The following CUX1 variants were observed in gnomAD, a reference collection of about 807,000 sequenced individuals.
CUX1 encodes cut like homeobox 1.
Under a neutral mutation model 158.8 loss-of-function variants are expected in CUX1, and 31 were observed. That is an observed-to-expected ratio of 0.20 (90% CI 0.15 to 0.26). CUX1 has a LOEUF of 0.26. CUX1 is among the 10% of genes least tolerant of loss of function. CUX1 has a pLI of 1.00. For synonymous variants in CUX1, 879 were observed against 862.1 expected (o/e 1.02, Z -0.34); for missense variants, 1,589 against 2,014.6 (o/e 0.79, Z 4.04).
At chr7:102,029,035 C>T (rs1178223449) in intron 3 of CUX1, among the ~76,000 whole-genome samples, 2 of 143,056 alleles carry the variant, frequency 1.4e-5, no homozygotes, top group Non-Finnish European at 3.0e-5. Context: ...CCCTGTCACT[C>T]AGGCTACAGT....
At chr7:102,033,188 C>T (rs1460737053) in intron 3 of CUX1, among the ~76,000 whole-genome samples, 1 of 152,140 alleles carries the variant, frequency 6.6e-6, no homozygotes, top group Non-Finnish European at 1.5e-5. Flanking sequence ...ATGGCTCACG[C>T]CTGTAGTCCC....
intron 2 of CUX1, among the ~76,000 whole-genome samples, chr7:102,003,006 A>G (rs965907548): frequency 2.0e-5 from 3 of 151,898 alleles, no homozygotes; most frequent in East Asian, 1.9e-4. Context: ...GGTTCAAGCA[A>G]TTCTCCTGCC....
chr7:101,971,841 C>T (rs1811996341), intron 2 of CUX1, among the ~76,000 whole-genome samples: 1 of 152,230 alleles, frequency 6.6e-6, no homozygotes, highest in South Asian at 2.1e-4. Context: ...AGCAGCATTA[C>T]ATTGGTCTAA....
chr7:101,919,018 A>C (rs1284518952), intron 2 of CUX1, among the ~76,000 whole-genome samples: 2 of 152,180 alleles, frequency 1.3e-5, no homozygotes, highest in African/African-American at 2.4e-5. Flanking sequence ...ACCTCAGGTG[A>C]TCCGCCCACC....
intron 2 of CUX1, among the ~76,000 whole-genome samples, chr7:101,950,607 ATTTG>A (rs1808950302): frequency 6.6e-6 from 1 of 152,164 alleles, no homozygotes; most frequent in Non-Finnish European, 1.5e-5. Context: ...AGCCATACTC[ATTTG>A]TTTATCTATT....
At chr7:102,089,445 C>A (rs528474150) in intron 4 of CUX1, among the ~76,000 whole-genome samples, 1 of 152,192 alleles carries the variant, frequency 6.6e-6, no homozygotes, top group Non-Finnish European at 1.5e-5. Flanking sequence ...ACTTGCAGGT[C>A]AGTTTGATCA....
intron 1 of CUX1, among the ~76,000 whole-genome samples, chr7:101,821,797 C>T (rs1273632595): frequency 2.1e-5 from 3 of 143,870 alleles, no homozygotes; most frequent in Non-Finnish European, 4.5e-5. Context: ...TCCTTAGTCT[C>T]CCGAGTAGCT....
At chr7:101,858,928 G>A (rs1007387834) in intron 1 of CUX1, among the ~76,000 whole-genome samples, 7 of 152,008 alleles carry the variant, frequency 4.6e-5, no homozygotes, top group Non-Finnish European at 1.0e-4. Flanking sequence ...GGTCTCCCAG[G>A]GAATGGCTGT....
At chr7:101,930,961 G>C (rs1177842374) in intron 2 of CUX1, among the ~76,000 whole-genome samples, 1 of 152,168 alleles carries the variant, frequency 6.6e-6, no homozygotes, top group Non-Finnish European at 1.5e-5. Flanking sequence ...GCCGGGTGTG[G>C]TGGAGTGCAC....
In CUX1 at chr7:102,250,440, C is replaced by T; in HGVS notation, c.*1398C>T. On this transcript the variant is annotated 3_prime_UTR_variant, in exon 24 of 24. Coordinates refer to ENST00000292535, the MANE Select transcript of CUX1 (RefSeq NM_181552.4). ...GGGGAAGACACTCCCCAGGCCTGGGCAGGGCTTACACGCGCACTCTCTCTC... is the reference window on the plus strand; with the variant it reads ...GGGGAAGACACTCCCCAGGCCTGGGTAGGGCTTACACGCGCACTCTCTCTC... 1.0e-6 allele frequency: 1 copy of T among 985,484 alleles called. No homozygotes were observed. The highest frequency in any genetic ancestry group is 1.2e-6 in the Non-Finnish European group (1 of 829,984). The allele number at this position is 985,484 out of a possible 1,614,324, so 61.0% of individuals were successfully genotyped here.
intron 22 of CUX1, among the ~76,000 whole-genome samples, chr7:102,237,755 G>C (rs578086364): frequency 3.3e-5 from 5 of 152,282 alleles, no homozygotes; most frequent in African/African-American, 1.2e-4. Flanking sequence ...TGGGCCCGGG[G>C]AACCACTACC....
Position 102,256,111 on chromosome 7 carries a change from GC to G in CUX1, c.*7070del. ...TCTTGGTGACCACTGTGCTGGGCGT[GC>G]AGGGCCCGCGGGCTCTGGCCGGAGC... On this transcript the variant is annotated 3_prime_UTR_variant, in exon 24 of 24. Transcript: ENST00000292535. The G allele has an allele frequency of 3.0e-6, 3 of 985,440 alleles. No homozygotes were observed. The highest frequency in any genetic ancestry group is 3.6e-6 in the Non-Finnish European group (3 of 829,944). 61.0% of individuals were successfully genotyped at this position (985,440 alleles called of 1,614,324 possible). A position where few individuals can be genotyped will look rare whatever the true frequency, so the allele number is the denominator to read the frequency against.
At position 102,201,024 on chromosome 7, in the gene CUX1, C is replaced by CT. The variant is rs1795370717; in HGVS notation, c.2063-335dup. Among the ~76,000 whole-genome samples the CT allele has an allele frequency of 2.3e-5, 1 of 42,814 alleles. No individual in the cohort carries two copies. The highest frequency in any genetic ancestry group is 9.4e-5 in the African/African-American group (1 of 10,654). The allele number at this position is 42,814 out of a possible 152,430, so 28.1% of individuals were successfully genotyped here. A position where few individuals can be genotyped will look rare whatever the true frequency, so the allele number is the denominator to read the frequency against. The stretch of plus-strand genomic sequence containing the variant: ...CCTGGACAACAGCGAGATCCTGTCG[C>CT]TAAAAAAAAAAAAAAAAAAAAAAAA... On this transcript the variant is annotated intron_variant, in intron 17 of 23. Transcript: ENST00000292535. This position sits in a 1 kb window ranked among gnomAD's most constrained non-coding sequence, Gnocchi z 5.0.
intron 1 of CUX1, among the ~76,000 whole-genome samples, chr7:101,831,329 C>T (rs1016613318): frequency 6.6e-6 from 1 of 151,380 alleles, no homozygotes; most frequent in South Asian, 2.1e-4. Context: ...CTTGCTTTGT[C>T]GTCCAGGCTA....
Position 102,255,978 on chromosome 7 carries a change from G to C in CUX1, c.*6936G>C. 3 of 985,384 alleles carry C rather than the reference G, an allele frequency of 3.0e-6. No individual in the cohort carries two copies. Among genetic ancestry groups the C allele is most frequent in the Non-Finnish European group, 3.6e-6 (3 of 829,924 alleles). The allele number at this position is 985,384 out of a possible 1,614,324, so 61.0% of individuals were successfully genotyped here. A position where few individuals can be genotyped will look rare whatever the true frequency, so the allele number is the denominator to read the frequency against. On this transcript the variant is annotated 3_prime_UTR_variant, in exon 24 of 24. Coordinates refer to ENST00000292535, the MANE Select transcript of CUX1 (RefSeq NM_181552.4). ...CCAAATGAACTCAAAGTAAGCTTTA[G>C]ACCAGGACGATTCAGGTTATGAATG...
At chr7:101,858,188 A>C (rs1797087709) in intron 1 of CUX1, among the ~76,000 whole-genome samples, 1 of 152,212 alleles carries the variant, frequency 6.6e-6, no homozygotes, top group African/African-American at 2.4e-5. Context: ...TTACCAGGGA[A>C]CCTGCTTTAA....
At chr7:102,134,576 CA>C (rs1363160033) in intron 8 of CUX1, among the ~76,000 whole-genome samples, 3 of 152,152 alleles carry the variant, frequency 2.0e-5, no homozygotes, top group African/African-American at 4.8e-5. Context: ...GTCTTTCCCC[CA>C]CCGCTTTGCA....
intron 4 of CUX1, among the ~76,000 whole-genome samples, chr7:102,096,638 G>A (rs1303555634): frequency 6.6e-6 from 1 of 152,110 alleles, no homozygotes; most frequent in East Asian, 1.9e-4. Flanking sequence ...CCCAGGAGGT[G>A]GAGGCTGCAG....
At chr7:102,187,698 A>C (rs1793786434) in intron 11 of CUX1, among the ~76,000 whole-genome samples, 1 of 148,478 alleles carries the variant, frequency 6.7e-6, no homozygotes, top group Admixed American at 6.7e-5. Context: ...TTTAGTAGAG[A>C]CGGGGTTTCA....
Sources: allele counts gnomAD v4.1 joint callset (sites outside exome capture counted in the v4.1 genomes callset), GRCh38; gene constraint gnomAD v4.1.1; non-coding constraint Gnocchi (gnomAD v3.1); transcripts MANE v1.5; gene names NCBI Gene and HGNC (gene_info 2026-07-23, HGNC 2026-07-21).